Variants in SLC35D4 observed in about 807,000 individuals in gnomAD.
The protein encoded by SLC35D4 is UDP-N-acetylglucosamine transporter SLC35D4.
chr18:23,287,792 G>A, the SLC35D4 span, among the ~76,000 whole-genome samples: 95 of 152,288 alleles, frequency 6.2e-4, no homozygotes, highest in African/African-American at 2.1e-3. Flanking sequence ...ACACACAGCC[G>A]AAGTGCAGAG....
At chr18:23,255,313 G>C in the SLC35D4 span, among the ~76,000 whole-genome samples, 1 of 100,812 alleles carries the variant, frequency 9.9e-6, no homozygotes, top group Non-Finnish European at 2.0e-5. Flanking sequence ...GGTTAAGTCA[G>C]TGCCCCCATA....
chr18:23,390,030 G>T, the SLC35D4 span, among the ~76,000 whole-genome samples: 2 of 152,186 alleles, frequency 1.3e-5, no homozygotes, highest in Non-Finnish European at 2.9e-5. Context: ...GCTAAGAAAT[G>T]ATAAAAGCAA....
chr18:23,270,734 C>G, the SLC35D4 span, among the ~76,000 whole-genome samples: 4 of 152,228 alleles, frequency 2.6e-5, no homozygotes, highest in Admixed American at 2.6e-4. Flanking sequence ...AAACTCTGGT[C>G]TCCTACACAG....
the SLC35D4 span, among the ~76,000 whole-genome samples, chr18:23,369,717 G>C: frequency 1.3e-5 from 2 of 152,264 alleles, no homozygotes; most frequent in South Asian, 4.1e-4. Context: ...GGTGTTGGTG[G>C]ACACAGCCTG....
chr18:23,418,349 A>ATT, the SLC35D4 span, among the ~76,000 whole-genome samples: 1 of 142,584 alleles, frequency 7.0e-6, no homozygotes, highest in Middle Eastern at 3.7e-3. Context: ...GAGAAGCCAA[A>ATT]ATTATTATTA....
chr18:23,387,357 C>T, the SLC35D4 span, among the ~76,000 whole-genome samples: 1 of 152,212 alleles, frequency 6.6e-6, no homozygotes, highest in Non-Finnish European at 1.5e-5. Flanking sequence ...GTTTCCTCCC[C>T]TGTAAAGCAG....
the SLC35D4 span, among the ~76,000 whole-genome samples, chr18:23,371,911 A>G: frequency 0.018 from 1,095 of 61,046 alleles, 12 homozygotes; most frequent in African/African-American, 0.066. Context: ...GACACATCCT[A>G]TTTATTTCTT....
chr18:23,336,852 A>G, the SLC35D4 span, among the ~76,000 whole-genome samples: 3 of 152,218 alleles, frequency 2.0e-5, no homozygotes. Context: ...CAGGATGATA[A>G]TGCAAGGATG....
chr18:23,256,029 G>A, the SLC35D4 span, among the ~76,000 whole-genome samples: 1 of 152,214 alleles, frequency 6.6e-6, no homozygotes, highest in Non-Finnish European at 1.5e-5. Flanking sequence ...TACATGGGGT[G>A]AGGCCTTCCT....
chr18:23,267,468 G>A, the SLC35D4 span, among the ~76,000 whole-genome samples: 1 of 151,766 alleles, frequency 6.6e-6, no homozygotes, highest in Non-Finnish European at 1.5e-5. Flanking sequence ...CTCCACCCCG[G>A]CCCACTTCCT....
chr18:23,257,404 C>T, the SLC35D4 span: 20 of 1,551,856 alleles, frequency 1.3e-5, no homozygotes, highest in East Asian at 2.3e-5. Context: ...CATTTCTTCT[C>T]AGCTTGGTGG....
chr18:23,437,915 G>C, the SLC35D4 span: 1 of 1,537,844 alleles, frequency 6.5e-7, no homozygotes, highest in Non-Finnish European at 8.8e-7. Context: ...GCCGCCGCCC[G>C]ACCCCCGCAG....
chr18:23,410,262 C>T, the SLC35D4 span, among the ~76,000 whole-genome samples: 11 of 152,094 alleles, frequency 7.2e-5, no homozygotes, highest in Admixed American at 3.3e-4. Flanking sequence ...GGGCGGATCA[C>T]GAGGTCAGAT....
chr18:23,397,636 C>T, the SLC35D4 span, among the ~76,000 whole-genome samples: 2 of 152,320 alleles, frequency 1.3e-5, no homozygotes, highest in East Asian at 3.9e-4. Flanking sequence ...TTTGAGCTTT[C>T]TAACACTTGC....
the SLC35D4 span, chr18:23,252,945 C>T: frequency 6.5e-7 from 1 of 1,539,552 alleles, no homozygotes; most frequent in Non-Finnish European, 9.0e-7. Context: ...ATCCGTGTTC[C>T]CCTGTCTGTT....
At chr18:23,301,982 A>G in the SLC35D4 span, among the ~76,000 whole-genome samples, 1 of 152,260 alleles carries the variant, frequency 6.6e-6, no homozygotes, top group Non-Finnish European at 1.5e-5. Context: ...GACTTTAAAA[A>G]TATTGAGTAC....
chr18:23,392,015 G>A, the SLC35D4 span, among the ~76,000 whole-genome samples: 1 of 150,818 alleles, frequency 6.6e-6, no homozygotes, highest in Non-Finnish European at 1.5e-5. Context: ...TTGGCTCACT[G>A]CAACCTCTGC....
chr18:23,365,812 CAGAG>C, the SLC35D4 span: 2 of 875,106 alleles, frequency 2.3e-6, no homozygotes, highest in Non-Finnish European at 3.5e-6. Flanking sequence ...TCCAGCTCCT[CAGAG>C]AGAGTAAGAA....
the SLC35D4 span, among the ~76,000 whole-genome samples, chr18:23,407,330 A>G: frequency 6.6e-6 from 1 of 152,216 alleles, no homozygotes; most frequent in South Asian, 2.1e-4. Flanking sequence ...ATACATCACT[A>G]CAAGGACAGA....
Sources: allele counts gnomAD v4.1 joint callset (sites outside exome capture counted in the v4.1 genomes callset), GRCh38; gene constraint gnomAD v4.1.1; transcripts MANE v1.5; gene names NCBI Gene and HGNC (gene_info 2026-07-23, HGNC 2026-07-21).